Variants in TPH2 observed in about 807,000 individuals in gnomAD.
TPH2 encodes the protein tryptophan hydroxylase 2.
In TPH2, 27 loss-of-function variants were observed where a neutral mutation model predicts 59.1. That is an observed-to-expected ratio of 0.46 (90% CI 0.34 to 0.63). The LOEUF (loss-of-function observed/expected upper bound fraction) is 0.63, where lower values mean the gene tolerates loss of function less well. TPH2 is among the 30% of genes least tolerant of loss of function. The pLI is 0.01. For synonymous variants in TPH2, 220 were observed against 210.5 expected (o/e 1.05, Z -0.39); for missense variants, 523 against 588.3 (o/e 0.89, Z 1.15).
Position 71,972,528 on chromosome 12 carries a change from C to T in TPH2, c.618C>T (p.Pro206=). 6.2e-7 allele frequency: 1 copy of T among 1,614,100 alleles called. No individual in the cohort carries two copies. Among genetic ancestry groups the T allele is most frequent in the Non-Finnish European group, 8.5e-7 (1 of 1,179,992 alleles). Residue 206 remains proline (P), a synonymous_variant, in exon 6 of 11, where the codon CCC becomes CCT. Transcript: ENST00000333850. ...DVAMGYKYGQ[P]IPRVEYTEEE... ...CTTCTCTCCTGCCTAGTGGTCAGCCCATTCCCAGGGTGGAGTATACTGAAG... is the reference window on the plus strand; with the variant it reads ...CTTCTCTCCTGCCTAGTGGTCAGCCTATTCCCAGGGTGGAGTATACTGAAG...
intron 2 of TPH2, 24 bp downstream of exon 2, chr12:71,941,757 A>G (rs1871075759): frequency 6.2e-7 from 1 of 1,611,116 alleles, no homozygotes; most frequent in Non-Finnish European, 8.5e-7. Context: ...ATCATTACAT[A>G]ATTTTAAAAG....
chr12:72,008,198 A>T (rs183615132), intron 8 of TPH2, among the ~76,000 whole-genome samples: 1 of 152,280 alleles, frequency 6.6e-6, no homozygotes, highest in East Asian at 1.9e-4. Flanking sequence ...TCAGCAGTCA[A>T]ATTGGTAAAT....
At chr12:71,971,346 T>A (rs1206123907) in intron 5 of TPH2, among the ~76,000 whole-genome samples, 1 of 152,206 alleles carries the variant, frequency 6.6e-6, no homozygotes, top group East Asian at 1.9e-4. Flanking sequence ...TTCTGACACA[T>A]GGCCAGGGTG....
chr12:71,950,610 A>G (rs1288025979), intron 5 of TPH2, among the ~76,000 whole-genome samples: 1 of 152,154 alleles, frequency 6.6e-6, no homozygotes, highest in Non-Finnish European at 1.5e-5. Context: ...AGATCATCAC[A>G]ATGCTCTCTT....
intron 8 of TPH2, among the ~76,000 whole-genome samples, chr12:72,005,775 AG>A (rs1452764934): frequency 6.6e-6 from 1 of 152,206 alleles, no homozygotes; most frequent in African/African-American, 2.4e-5. Flanking sequence ...CTTTGTTTTG[AG>A]AAAAAATTGA....
rs1390439700 is a variant in TPH2 at position 72,031,806 on chromosome 12, G to A, written c.*111G>A. 19 of 1,248,628 alleles carry A rather than the reference G, an allele frequency of 1.5e-5. No individual in the cohort carries two copies. Among genetic ancestry groups the A allele is most frequent in the Non-Finnish European group, 2.2e-5 (19 of 856,022 alleles). The allele number at this position is 1,248,628 out of a possible 1,614,324, so 77.3% of individuals were successfully genotyped here. On this transcript the variant is annotated 3_prime_UTR_variant, in exon 11 of 11. Coordinates refer to ENST00000333850, the MANE Select transcript of TPH2 (RefSeq NM_173353.4). ...GTGTCATGGCTTGGCTAATAAGCAT[G>A]CAATTCCATATATCTATACCATCTT...
At chr12:71,990,282 A>G (rs989900228) in intron 7 of TPH2, among the ~76,000 whole-genome samples, 4 of 152,228 alleles carry the variant, frequency 2.6e-5, no homozygotes, top group Non-Finnish European at 5.9e-5. Context: ...TGATACAACC[A>G]AAGTAGGGAT....
chr12:71,979,237 A>T (rs926931768), intron 7 of TPH2, 150 bp downstream of exon 7: 1 of 1,244,014 alleles, frequency 8.0e-7, no homozygotes, highest in African/African-American at 1.5e-5. Flanking sequence ...AAAAGGGCTC[A>T]CTGAAGGATC....
chr12:72,024,193 C>T (rs897945071), intron 9 of TPH2, among the ~76,000 whole-genome samples: 2 of 152,184 alleles, frequency 1.3e-5, no homozygotes, highest in African/African-American at 2.4e-5. Context: ...GTGCCTGGCT[C>T]ATATTAGGCC....
chr12:71,939,090 CAGTG>C lies in TPH2; in HGVS notation c.105+3_105+6del. On this transcript the variant is annotated splice_donor_variant and splice_donor_region_variant and coding_sequence_variant and intron_variant, in exon 1 of 11. Transcript: ENST00000333850. LOFTEE classifies it high-confidence loss of function. Reference sequence around the variant, plus strand: ...GAGCATCAGCTACTTGGCAGCTCAACAGTGAGTACTACGTACCTGGCACTATGGA... The same window carrying C: ...GAGCATCAGCTACTTGGCAGCTCAACAGTACTACGTACCTGGCACTATGGA... The C allele has an allele frequency of 6.2e-7, 1 of 1,611,970 alleles. No individual in the cohort carries two copies.
chr12:72,024,045 C>T (rs776997963), intron 9 of TPH2, among the ~76,000 whole-genome samples: 3 of 151,904 alleles, frequency 2.0e-5, no homozygotes, highest in Admixed American at 6.6e-5. Context: ...TCCCAGCCAT[C>T]TAGGCTCTAG....
In TPH2 at chr12:71,949,664, C is replaced by A; in HGVS notation, c.608+9C>A. 6.2e-7 allele frequency: 1 copy of A among 1,606,396 alleles called. No homozygotes were observed. Among genetic ancestry groups the A allele is most frequent in the Admixed American group, 1.7e-5 (1 of 59,992 alleles). ...GCCATGGGTTATAAATAGTAAGTAC[C>A]TGTATAACTCTTTCTTGTCACTGGC... On this transcript the variant is annotated intron_variant, in intron 5 of 10. Transcript: ENST00000333850.
intron 8 of TPH2, among the ~76,000 whole-genome samples, chr12:72,004,578 C>T (rs1218073579): frequency 6.6e-6 from 1 of 152,132 alleles, no homozygotes; most frequent in Non-Finnish European, 1.5e-5. Flanking sequence ...TCATTAAGCA[C>T]AGAAGATTTC....
In TPH2 at chr12:71,978,989, C is replaced by A; in HGVS notation, c.843C>A (p.Tyr281Ter). The A allele has an allele frequency of 1.2e-6, 2 of 1,614,064 alleles. No homozygotes were observed. Among genetic ancestry groups the A allele is most frequent in the Non-Finnish European group, 1.7e-6 (2 of 1,180,008 alleles). Residue 281 changes from tyrosine to a stop codon, truncating the protein, a stop_gained, in exon 7 of 11, where the codon TAC becomes TAA. Transcript: ENST00000333850. LOFTEE classifies it high-confidence loss of function. ...TCACGGTGAGGCCGGTGGCTGGATA[C>A]CTGAGCCCACGAGACTTTCTGGCAG... Reference protein sequence around the residue: ...SGFTVRPVAGYLSPRDFLAGL... With the variant: ...SGFTVRPVAG
intron 8 of TPH2, among the ~76,000 whole-genome samples, chr12:72,020,575 G>A (rs1157444888): frequency 1.3e-5 from 2 of 152,050 alleles, no homozygotes; most frequent in African/African-American, 2.4e-5. Context: ...TGCAACTTCC[G>A]TCTCCTGGGT....
At chr12:71,992,912 T>C (rs910725324) in intron 7 of TPH2, among the ~76,000 whole-genome samples, 66 of 152,218 alleles carry the variant, frequency 4.3e-4, no homozygotes, top group Non-Finnish European at 1.0e-4. Context: ...TAAAATCCAG[T>C]GAATCTGCTT....
At chr12:71,985,787 T>G (rs1237430270) in intron 7 of TPH2, among the ~76,000 whole-genome samples, 1 of 152,212 alleles carries the variant, frequency 6.6e-6, no homozygotes, top group Non-Finnish European at 1.5e-5. Context: ...TTTAGTGCTG[T>G]GCTGCCCCAT....
chr12:71,994,822 G>A (rs1254067939), intron 8 of TPH2, among the ~76,000 whole-genome samples: 2 of 152,140 alleles, frequency 1.3e-5, no homozygotes, highest in Non-Finnish European at 2.9e-5. Context: ...TAGGTTTGTG[G>A]GTCGTAAGGA....
intron 8 of TPH2, among the ~76,000 whole-genome samples, chr12:72,019,432 C>G (rs971074859): frequency 2.0e-5 from 3 of 152,182 alleles, no homozygotes; most frequent in Admixed American, 6.5e-5. Flanking sequence ...CACTTGCTGT[C>G]CCCCCTTCTA....
Sources: gnomAD v4.1 joint callset for allele counts (sites outside exome capture counted in the v4.1 genomes callset) on GRCh38, gnomAD v4.1.1 for gene constraint, MANE v1.5 for transcripts, NCBI Gene and HGNC (gene_info 2026-07-23, HGNC 2026-07-21) for gene names.